PAMR1: variants seen among roughly 807,000 people sequenced by gnomAD.
The protein encoded by PAMR1 is peptidase domain containing associated with muscle regeneration 1, also known as inactive serine protease PAMR1.
A neutral mutation model predicts 81.8 loss-of-function variants in PAMR1; 88 were observed. The observed-to-expected ratio is 1.08, with a 90% confidence interval of 0.91 to 1.28. The LOEUF (loss-of-function observed/expected upper bound fraction) is 1.28. Among genes scored for constraint, PAMR1 ranks in the 50% most tolerant of loss-of-function variants. The pLI, the probability that PAMR1 is intolerant of heterozygous loss-of-function variation, is 0.00. For synonymous variants in PAMR1, 336 were observed against 345.3 expected, an observed-to-expected ratio of 0.97 and a Z score of 0.30; for missense variants, 935 against 919.7, an observed-to-expected ratio of 1.02 and a Z score of -0.21.
chr11:35,524,321 G>C (rs1851343968), intron 1 of PAMR1, among the ~76,000 whole-genome samples: 1 of 152,192 alleles, frequency 6.6e-6, no homozygotes, highest in Admixed American at 6.5e-5. Flanking sequence ...ACCTGGGCAG[G>C]CAGGCTCTAG....
At chr11:35,519,864 G>T (rs1851238997) in intron 1 of PAMR1, among the ~76,000 whole-genome samples, 1 of 152,154 alleles carries the variant, frequency 6.6e-6, no homozygotes, top group Non-Finnish European at 1.5e-5. Context: ...CTGTGGTGGT[G>T]GTGTGTCACA....
chr11:35,444,247 C>A (rs545383033), intron 6 of PAMR1, among the ~76,000 whole-genome samples: 1 of 152,048 alleles, frequency 6.6e-6, no homozygotes, highest in African/African-American at 2.4e-5. Context: ...GATATTAGAC[C>A]TTTGTCAGTT....
chr11:35,445,641 T>A (rs1856275120), intron 6 of PAMR1, among the ~76,000 whole-genome samples: 1 of 152,248 alleles, frequency 6.6e-6, no homozygotes, highest in Non-Finnish European at 1.5e-5. Flanking sequence ...TGTTTATTGA[T>A]TTGCAGATGT....
chr11:35,528,781 T>A (rs1851427039), upstream of PAMR1, among the ~76,000 whole-genome samples: 1 of 152,198 alleles, frequency 6.6e-6, no homozygotes, highest in South Asian at 2.1e-4. Context: ...CAGAGGCCCT[T>A]CTTCTGTTTC....
At chr11:35,475,779 T>C (rs1283573516) in intron 3 of PAMR1, among the ~76,000 whole-genome samples, 1 of 152,210 alleles carries the variant, frequency 6.6e-6, no homozygotes, top group Non-Finnish European at 1.5e-5. Context: ...GTATTGCCTA[T>C]GGCTGTTTTT....
In PAMR1 at chr11:35,464,810, A is replaced by G. The variant is rs147267743; in HGVS notation, c.820+3191T>C. On this transcript the variant is annotated intron_variant, in intron 6 of 10. Transcript: ENST00000619888. ...CTGTACTGTTTGATTTTTTTGACAT[A>G]TATTTCTGCAATTAAGTAGAAAATC... Among the ~76,000 whole-genome samples the G allele has an allele frequency of 1.3e-3, 201 of 152,310 alleles. 1 individual carries two copies. Among genetic ancestry groups the G allele is most frequent in the African/African-American group, 4.8e-3 (198 of 41,564 alleles).
chr11:35,471,956 AC>A (rs1212508984), intron 4 of PAMR1, among the ~76,000 whole-genome samples: 1 of 152,124 alleles, frequency 6.6e-6, no homozygotes, highest in African/African-American at 2.4e-5. Context: ...TACAGTAAAA[AC>A]CCAACATGCC....
chr11:35,471,806 GATTCCCAAGGGAATAC>G (rs1346207829), intron 4 of PAMR1, among the ~76,000 whole-genome samples: 1 of 152,120 alleles, frequency 6.6e-6, no homozygotes, highest in South Asian at 2.1e-4. Context: ...ATTTTTCCAG[GATTCCCAAGGGAATAC>G]ATGAGTATCA....
At chr11:35,452,028 T>A in intron 6 of PAMR1, 1 of 485,816 alleles carries the variant, frequency 2.1e-6, no homozygotes, top group Non-Finnish European at 3.6e-6. Context: ...AAGGCAAGAC[T>A]GAAAATCAAG....
chr11:35,482,160 T>C (rs1850407400), intron 3 of PAMR1, among the ~76,000 whole-genome samples: 1 of 152,234 alleles, frequency 6.6e-6, no homozygotes, highest in African/African-American at 2.4e-5. Flanking sequence ...AGGGTTTTTA[T>C]AGTTTTGGGC....
At chr11:35,490,898 C>A (rs1034014290) in intron 3 of PAMR1, among the ~76,000 whole-genome samples, 3 of 152,142 alleles carry the variant, frequency 2.0e-5, no homozygotes, top group Non-Finnish European at 4.4e-5. Flanking sequence ...CAGTGACAGA[C>A]AAAATCATTA....
At chr11:35,488,864 G>A (rs554123697) in intron 3 of PAMR1, among the ~76,000 whole-genome samples, 28 of 151,826 alleles carry the variant, frequency 1.8e-4, no homozygotes, top group Non-Finnish European at 1.8e-4. Context: ...GAGCCACTGC[G>A]CCCTGCCAAA....
chr11:35,454,267 C>T (rs1856478866), intron 6 of PAMR1, among the ~76,000 whole-genome samples: 1 of 152,206 alleles, frequency 6.6e-6, no homozygotes, highest in Non-Finnish European at 1.5e-5. Flanking sequence ...TGGCCACCAC[C>T]CTGTACTTCA....
intron 10 of PAMR1, 110 bp from the exon 11 acceptor site, chr11:35,433,002 A>G (rs1259914880): frequency 1.1e-6 from 1 of 902,952 alleles, no homozygotes. Context: ...AGAGGCAGCT[A>G]CAATTATTTG....
At chr11:35,463,766 G>A (rs186281886) in intron 6 of PAMR1, among the ~76,000 whole-genome samples, 43 of 152,292 alleles carry the variant, frequency 2.8e-4, no homozygotes, top group Middle Eastern at 6.8e-3. Context: ...GGGCAGGTGA[G>A]GCCTGGGGTA....
intron 1 of PAMR1, among the ~76,000 whole-genome samples, chr11:35,518,212 AG>A (rs35657036): frequency 0.4 from 60,303 of 151,352 alleles, 12,832 homozygotes; most frequent in East Asian, 0.69. Context: ...CCTTACCACC[AG>A]CCATGTCCTC....
In PAMR1 at chr11:35,493,236, A is replaced by G. The variant is rs1850662419; in HGVS notation, c.250+860T>C. Among the ~76,000 whole-genome samples, 3 of 152,194 alleles carry G rather than the reference A, an allele frequency of 2.0e-5. No individual in the cohort carries two copies. The South Asian group carries it at 6.2e-4, about 32-fold the overall frequency. On this transcript the variant is annotated intron_variant, in intron 2 of 10. Coordinates refer to ENST00000619888, the MANE Select transcript of PAMR1 (RefSeq NM_001001991.3). Reference sequence around the variant, plus strand: ...ATGCGTGTCCTCCAATCCTTTCCCCATACTACAGCTAAAGAGAAAAATCTG... The same window carrying G: ...ATGCGTGTCCTCCAATCCTTTCCCCGTACTACAGCTAAAGAGAAAAATCTG...
intron 1 of PAMR1, among the ~76,000 whole-genome samples, chr11:35,518,863 T>C (rs565285634): frequency 6.6e-6 from 1 of 152,264 alleles, no homozygotes; most frequent in South Asian, 2.1e-4. Context: ...GTTGTGTCAG[T>C]GTGTGAGGAC....
intron 6 of PAMR1, among the ~76,000 whole-genome samples, chr11:35,442,977 C>T (rs112105882): frequency 0.02 from 3,043 of 152,084 alleles, 108 homozygotes; most frequent in African/African-American, 0.07. Context: ...AGAATTATTA[C>T]CTGAGTATAT....
Sources: allele counts gnomAD v4.1 joint callset (sites outside exome capture counted in the v4.1 genomes callset), GRCh38; gene constraint gnomAD v4.1.1; transcripts MANE v1.5; gene names NCBI Gene and HGNC (gene_info 2026-07-23, HGNC 2026-07-21).